The following WWOX variants were observed in gnomAD, a reference collection of about 807,000 sequenced individuals.
The protein encoded by WWOX is WW domain-containing oxidoreductase.
WWOX carries 69 observed loss-of-function variants against 46.2 expected under a neutral mutation model. The observed-to-expected ratio is 1.49, with a 90% CI of 1.23 to 1.82. The LOEUF is 1.82. WWOX is among the 40% of genes most tolerant of loss of function. WWOX has a pLI of 0.00. For missense variants in WWOX, 919 were observed against 542.6 expected (o/e 1.69, Z -6.89); for synonymous variants, 359 against 202.6 (o/e 1.77, Z -6.56).
At chr16:78,359,528 G>C (rs2081365262) in intron 5 of WWOX, among the ~76,000 whole-genome samples, 1 of 152,158 alleles carries the variant, frequency 6.6e-6, no homozygotes, top group African/African-American at 2.4e-5. Flanking sequence ...CTATCTTAGA[G>C]CTGAAAGATA....
At position 78,761,247 on chromosome 16, in the gene WWOX, A is replaced by G. The variant is rs147960574; in HGVS notation, c.1056+328495A>G. Among the ~76,000 whole-genome samples, 484 of 152,300 alleles carry G rather than the reference A, an allele frequency of 3.2e-3. 6 individuals carry two copies. The highest frequency in any genetic ancestry group is 0.011 in the African/African-American group (457 of 41,564). ...TTCTGGACTAGGTTTGTAGTAGACC[A>G]TAAGCAAAAGAGTTCAGAAAGCACG... On this transcript the variant is annotated intron_variant, in intron 8 of 8. Coordinates refer to ENST00000566780, the MANE Select transcript of WWOX (RefSeq NM_016373.4).
rs1438425274 is a variant in WWOX at position 78,321,285 on chromosome 16, TATATAC to T, written c.517-65574_517-65569del. On this transcript the variant is annotated intron_variant, in intron 5 of 8. Coordinates refer to ENST00000566780, the MANE Select transcript of WWOX (RefSeq NM_016373.4). ...AGGTTCTTAGTTTTTTAAATATATA[TATATAC>T]GTATATATATACGTATATATATGCG... 2.2e-4 allele frequency among the ~76,000 whole-genome samples: 27 copies of T among 124,338 alleles called. 2 individuals carry two copies. Among genetic ancestry groups the T allele is most frequent in the Middle Eastern group, 8.0e-3 (2 of 250 alleles). 81.6% of individuals were successfully genotyped at this position (124,338 alleles called of 152,430 possible). A position where few individuals can be genotyped will look rare whatever the true frequency, so the allele number is the denominator to read the frequency against.
At chr16:78,949,567 A>G (rs1374968539) in intron 8 of WWOX, among the ~76,000 whole-genome samples, 1 of 152,156 alleles carries the variant, frequency 6.6e-6, no homozygotes, top group African/African-American at 2.4e-5. Flanking sequence ...CCAACACATA[A>G]TGCTGTATGT....
chr16:78,851,501 A>T (rs1597720832), intron 8 of WWOX, among the ~76,000 whole-genome samples: 2 of 152,234 alleles, frequency 1.3e-5, no homozygotes, highest in Admixed American at 1.3e-4. Context: ...GCCTCAGAAG[A>T]TAATGAGCCT....
intron 8 of WWOX, among the ~76,000 whole-genome samples, chr16:78,463,787 T>C (rs916491870): frequency 1.3e-5 from 2 of 152,214 alleles, no homozygotes; most frequent in African/African-American, 4.8e-5. Flanking sequence ...GGGTTTATGA[T>C]CAAGTAAAGA....
intron 8 of WWOX, among the ~76,000 whole-genome samples, chr16:79,019,426 C>T (rs2047486665): frequency 6.6e-6 from 1 of 152,052 alleles, no homozygotes; most frequent in East Asian, 1.9e-4. Context: ...GCAGTTGTAA[C>T]AGTGGTATGT....
chr16:78,893,396 T>C (rs2044633660), intron 8 of WWOX, among the ~76,000 whole-genome samples: 1 of 152,084 alleles, frequency 6.6e-6, no homozygotes, highest in Non-Finnish European at 1.5e-5. Context: ...TTCAGTATAT[T>C]TTCTTTATGT....
At chr16:78,206,035 C>T (rs761028068) in intron 5 of WWOX, among the ~76,000 whole-genome samples, 2 of 151,586 alleles carry the variant, frequency 1.3e-5, no homozygotes, top group Non-Finnish European at 2.9e-5. Context: ...TTTGTTTCAC[C>T]ATTGCATTGT....
At chr16:78,193,846 T>A (rs959192463) in intron 5 of WWOX, among the ~76,000 whole-genome samples, 1 of 150,224 alleles carries the variant, frequency 6.7e-6, no homozygotes, top group African/African-American at 2.4e-5. Context: ...TATTTTCAAT[T>A]TTTTATTTTT....
chr16:78,880,813 G>C (rs943485079), intron 8 of WWOX, among the ~76,000 whole-genome samples: 4 of 152,116 alleles, frequency 2.6e-5, no homozygotes, highest in African/African-American at 9.7e-5. Context: ...TTCCCAACAT[G>C]GGAGTATGTT....
chr16:78,721,100 C>G (rs762039990), intron 8 of WWOX, among the ~76,000 whole-genome samples: 16 of 152,154 alleles, frequency 1.1e-4, no homozygotes, highest in South Asian at 4.1e-4. Context: ...TTATATAAAT[C>G]TCTTAGCCCA....
At chr16:78,658,579 C>T (rs942050971) in intron 8 of WWOX, among the ~76,000 whole-genome samples, 6 of 152,160 alleles carry the variant, frequency 3.9e-5, no homozygotes, top group Admixed American at 3.3e-4. Context: ...TGCCTCTCCT[C>T]CAGCCTCTGG....
chr16:78,799,097 T>C (rs1345302071), intron 8 of WWOX, among the ~76,000 whole-genome samples: 1 of 152,238 alleles, frequency 6.6e-6, no homozygotes, highest in Non-Finnish European at 1.5e-5. Flanking sequence ...TGTTTTTAAA[T>C]TGTGTAGATT....
In WWOX at chr16:78,361,558, A is replaced by G. The variant is rs112238927; in HGVS notation, c.517-25302A>G. On this transcript the variant is annotated intron_variant, in intron 5 of 8. Transcript: ENST00000566780. ...TATTTCCCTTACTCTTTTTATAGTC[A>G]GTAATTGGAATTCTTCTGAAGAAAG... is the stretch of plus-strand genomic sequence containing the variant. Among the ~76,000 whole-genome samples the G allele has an allele frequency of 2.4e-3, 363 of 152,210 alleles. 2 individuals carry two copies. Among genetic ancestry groups the G allele is most frequent in the African/African-American group, 8.5e-3 (353 of 41,536 alleles).
intron 8 of WWOX, among the ~76,000 whole-genome samples, chr16:78,930,170 C>T (rs1425177889): frequency 6.6e-6 from 1 of 151,460 alleles, no homozygotes; most frequent in African/African-American, 2.4e-5. Flanking sequence ...GAACTTGGGT[C>T]CTGAAAATTA....
intron 5 of WWOX, among the ~76,000 whole-genome samples, chr16:78,193,442 C>T (rs76084566): frequency 0.029 from 2,754 of 94,334 alleles, 38 homozygotes; most frequent in Non-Finnish European, 0.043. Context: ...ACATCTGAGT[C>T]AGGAAAACAT....
chr16:78,636,879 A>T lies in WWOX; in HGVS notation c.1056+204127A>T, dbSNP rs564080876. The stretch of plus-strand genomic sequence containing the variant: ...CCCTGAGCTGCATCATTTAAAGACC[A>T]ATTGTTAAGGACCAATCTGAGGGCC... On this transcript the variant is annotated intron_variant, in intron 8 of 8. Coordinates refer to ENST00000566780, the MANE Select transcript of WWOX (RefSeq NM_016373.4). Among the ~76,000 whole-genome samples, 4 of 152,260 alleles carry T rather than the reference A, an allele frequency of 2.6e-5. No individual in the cohort carries two copies. In the South Asian group the frequency reaches 8.3e-4, roughly 32 times the overall value.
chr16:78,426,186 T>C (rs1289982889), intron 7 of WWOX, among the ~76,000 whole-genome samples: 1 of 152,212 alleles, frequency 6.6e-6, no homozygotes, highest in Non-Finnish European at 1.5e-5. Flanking sequence ...CTGGACAGCC[T>C]TATCTTTGCA....
intron 8 of WWOX, among the ~76,000 whole-genome samples, chr16:79,186,146 C>A (rs751717337): frequency 6.6e-6 from 1 of 152,116 alleles, no homozygotes; most frequent in African/African-American, 2.4e-5. Context: ...AAGGATACAT[C>A]CAGGACTGTG....
Sources: allele counts gnomAD v4.1 joint callset (sites outside exome capture counted in the v4.1 genomes callset), GRCh38; gene constraint gnomAD v4.1.1; transcripts MANE v1.5; gene names NCBI Gene and HGNC (gene_info 2026-07-23, HGNC 2026-07-21).